The following GABRA3 variants were observed in gnomAD, a reference collection of about 807,000 sequenced individuals.
GABRA3 encodes the protein gamma-aminobutyric acid receptor subunit alpha-3.
A neutral mutation model predicts 30.1 loss-of-function variants in GABRA3; 10 were observed. The ratio of observed to expected loss-of-function variants is 0.33; its 90% CI spans 0.20 to 0.56. The LOEUF (loss-of-function observed/expected upper bound fraction) is 0.56. Among genes scored for constraint, GABRA3 ranks in the 20% least tolerant of loss-of-function variants. The probability of loss-of-function intolerance (pLI) is 0.89; values close to 1 mark genes in which losing one functional copy is unlikely to be tolerated. For missense variants in GABRA3, 233 were observed against 392.0 expected (o/e 0.59, Z 3.42); for synonymous variants, 151 against 146.8 (o/e 1.03, Z -0.21).
chrX:152,275,254 A>ATTATATAT (rs1569378405), intron 4 of GABRA3, among the ~76,000 whole-genome samples: 1 of 63,525 alleles, frequency 1.6e-5, no homozygotes, highest in Non-Finnish European at 2.7e-5. Flanking sequence ...TATATATAAT[A>ATTATATAT]AAATATATAT....
intron 1 of GABRA3, among the ~76,000 whole-genome samples, chrX:152,404,405 A>G (rs914469156): frequency 2.7e-5 from 3 of 110,922 alleles, no homozygotes; most frequent in Non-Finnish European, 5.7e-5. Flanking sequence ...GCTTGTAACA[A>G]AGAACCACCA....
At chrX:152,355,753 C>T (rs1309041051) in intron 2 of GABRA3, among the ~76,000 whole-genome samples, 2 of 111,906 alleles carry the variant, frequency 1.8e-5, no homozygotes, top group East Asian at 2.8e-4. Flanking sequence ...GATATTCAAT[C>T]GTTCTGACCT....
chrX:152,296,448 T>G (rs1056974570), intron 3 of GABRA3, among the ~76,000 whole-genome samples: 1 of 111,524 alleles, frequency 9.0e-6, no homozygotes, highest in African/African-American at 3.3e-5. Context: ...AGATAAACAC[T>G]CTGGAAGAAT....
chrX:152,379,932 G>C (rs1162400659), intron 1 of GABRA3, among the ~76,000 whole-genome samples: 1 of 110,361 alleles, frequency 9.1e-6, no homozygotes, highest in Non-Finnish European at 1.9e-5. Flanking sequence ...CTGCCTCCCG[G>C]GTTCAAGCGA....
At chrX:152,222,460 C>A (rs1569360147) in intron 6 of GABRA3, among the ~76,000 whole-genome samples, 1 of 106,046 alleles carries the variant, frequency 9.4e-6, no homozygotes. Context: ...TAATCACTTC[C>A]TTTTTTTTTC....
intron 3 of GABRA3, among the ~76,000 whole-genome samples, chrX:152,311,091 C>G (rs1391343147): frequency 9.0e-6 from 1 of 111,165 alleles, no homozygotes; most frequent in Non-Finnish European, 1.9e-5. Context: ...CCAGAAAAAG[C>G]CCTGGACCAG....
At chrX:152,309,164 T>C (rs1939763977) in intron 3 of GABRA3, among the ~76,000 whole-genome samples, 3 of 111,987 alleles carry the variant, frequency 2.7e-5, no homozygotes, top group African/African-American at 9.7e-5. Context: ...CTATGATTCA[T>C]TGGCATCTCT....
At chrX:152,215,054 AT>A (rs1286452956) in intron 6 of GABRA3, among the ~76,000 whole-genome samples, 2,195 of 100,588 alleles carry the variant, frequency 0.022, 74 homozygotes, top group African/African-American at 0.075. Flanking sequence ...ATATATATAT[AT>A]TTTTTTATAT....
intron 7 of GABRA3, among the ~76,000 whole-genome samples, chrX:152,199,117 A>T (rs1305031633): frequency 1.8e-5 from 2 of 111,457 alleles, no homozygotes. Flanking sequence ...CTGTAATCCC[A>T]GCACTTTGGG....
chrX:152,350,504 T>C (rs891926261), intron 2 of GABRA3, among the ~76,000 whole-genome samples: 1 of 110,398 alleles, frequency 9.1e-6, no homozygotes, highest in African/African-American at 3.3e-5. Context: ...TTCAAAAAAT[T>C]AATGAATCCA....
intron 4 of GABRA3, among the ~76,000 whole-genome samples, chrX:152,258,454 C>T (rs758720561): frequency 3.6e-5 from 4 of 111,088 alleles, no homozygotes; most frequent in South Asian, 3.8e-4. Context: ...TTTCAGTATA[C>T]GTGTATTACG....
intron 1 of GABRA3, among the ~76,000 whole-genome samples, chrX:152,437,273 A>C (rs1362293226): frequency 8.9e-6 from 1 of 112,037 alleles, no homozygotes; most frequent in Non-Finnish European, 1.9e-5. Flanking sequence ...GTTACCACCA[A>C]AATCTGAAAT....
chrX:152,211,145 T>C (rs1172002876), intron 6 of GABRA3, among the ~76,000 whole-genome samples: 3 of 110,603 alleles, frequency 2.7e-5, no homozygotes, highest in Non-Finnish European at 5.7e-5. Flanking sequence ...TTCTATCCAA[T>C]CTACCCAAGA....
At chrX:152,272,429 G>T (rs761723004) in intron 4 of GABRA3, among the ~76,000 whole-genome samples, 1 of 112,560 alleles carries the variant, frequency 8.9e-6, no homozygotes, top group Non-Finnish European at 1.9e-5. Flanking sequence ...CCTTTGGAAT[G>T]GATGTATTTA....
At chrX:152,192,447 G>A (rs1291521745) in intron 8 of GABRA3, among the ~76,000 whole-genome samples, 1 of 111,402 alleles carries the variant, frequency 9.0e-6, no homozygotes, top group African/African-American at 3.3e-5. Flanking sequence ...TAATTCTCAG[G>A]CACAGCCAAG....
intron 1 of GABRA3, among the ~76,000 whole-genome samples, chrX:152,404,805 T>G (rs1448843014): frequency 2.8e-5 from 3 of 105,929 alleles, no homozygotes; most frequent in Non-Finnish European, 3.9e-5. Context: ...CTAAGGAAAT[T>G]TCTGTCAAAT....
rs1044303635 is a variant in GABRA3 at position 152,241,606 on chromosome X, C to T, written c.551+14172G>A. On this transcript the variant is annotated intron_variant, in intron 5 of 9. Transcript: ENST00000370314. ...ATGGCGGGCGCCCCTCCCCCAGCCT[C>T]GCTGCTGCTTTGCAGTTTGATCTCA... is the stretch of plus-strand genomic sequence containing the variant. Among the ~76,000 whole-genome samples, 3 of 109,615 alleles carry T rather than the reference C, an allele frequency of 2.7e-5. 1 individual carries two copies. The highest frequency in any genetic ancestry group is 9.8e-5 in the African/African-American group (3 of 30,486).
At chrX:152,348,886 T>C (rs1940431936) in intron 2 of GABRA3, among the ~76,000 whole-genome samples, 1 of 112,073 alleles carries the variant, frequency 8.9e-6, no homozygotes, top group African/African-American at 3.2e-5. Flanking sequence ...TTTGCCTCAG[T>C]GTGGATGGCT....
rs189219833 is a variant in GABRA3, at chrX:152,223,506, T to G, written c.634+1257A>C. On this transcript the variant is annotated intron_variant, in intron 6 of 9. Transcript: ENST00000370314. ...TTTAATGGCCTATAAGACTTTAGAT[T>G]ACCTGGCCCCCACTTTGATCTCATC... Among the ~76,000 whole-genome samples, 206 of 110,917 alleles carry G rather than the reference T, an allele frequency of 1.9e-3. 1 individual carries two copies. Among genetic ancestry groups the G allele is most frequent in the African/African-American group, 6.6e-3 (201 of 30,571 alleles).
Sources: allele counts gnomAD v4.1 joint callset (sites outside exome capture counted in the v4.1 genomes callset), GRCh38; gene constraint gnomAD v4.1.1; transcripts MANE v1.5; gene names NCBI Gene and HGNC (gene_info 2026-07-23, HGNC 2026-07-21).